RNGTT: variants seen among roughly 807,000 people sequenced by gnomAD.
RNGTT encodes the protein mRNA-capping enzyme.
A neutral mutation model predicts 79.3 loss-of-function variants in RNGTT; 33 were observed. The ratio of observed to expected loss-of-function variants is 0.42; its 90% CI spans 0.32 to 0.56. RNGTT has a LOEUF of 0.56. Among genes scored for constraint, RNGTT ranks in the 20% least tolerant of loss-of-function variants. RNGTT has a pLI of 0.17. For synonymous variants in RNGTT, 222 were observed against 235.9 expected (o/e 0.94, Z 0.54); for missense variants, 497 against 739.1 (o/e 0.67, Z 3.80).
At chr6:88,627,338 C>T (rs1772671920) in intron 14 of RNGTT, among the ~76,000 whole-genome samples, 1 of 152,200 alleles carries the variant, frequency 6.6e-6, no homozygotes, top group South Asian at 2.1e-4. Context: ...ATTAAGATGT[C>T]AATGTATAGT....
At chr6:88,850,524 T>G (rs1781636157) in intron 9 of RNGTT, among the ~76,000 whole-genome samples, 1 of 152,106 alleles carries the variant, frequency 6.6e-6, no homozygotes, top group Non-Finnish European at 1.5e-5. Flanking sequence ...TTTCCTCATA[T>G]TCTTACTAGG....
chr6:88,734,573 A>G (rs1777222990), intron 13 of RNGTT, among the ~76,000 whole-genome samples: 2 of 152,158 alleles, frequency 1.3e-5, no homozygotes, highest in South Asian at 2.1e-4. Context: ...AATATTTTCT[A>G]TAAGAAACCC....
At chr6:88,646,209 A>C (rs1773551012) in intron 14 of RNGTT, among the ~76,000 whole-genome samples, 1 of 152,266 alleles carries the variant, frequency 6.6e-6, no homozygotes, top group Non-Finnish European at 1.5e-5. Context: ...ACTTCTCAAA[A>C]GAAGACATTT....
At chr6:88,859,547 C>T (rs918070040) in intron 8 of RNGTT, among the ~76,000 whole-genome samples, 1 of 152,150 alleles carries the variant, frequency 6.6e-6, no homozygotes, top group Non-Finnish European at 1.5e-5. Flanking sequence ...ACAAATGGCC[C>T]TGTAGCTTAA....
chr6:88,904,312 C>T (rs1460792345), intron 6 of RNGTT, among the ~76,000 whole-genome samples: 1 of 152,128 alleles, frequency 6.6e-6, no homozygotes. Flanking sequence ...GTGGCTAATG[C>T]CAGTAATCCC....
At chr6:88,709,366 C>G (rs1776246425) in intron 13 of RNGTT, among the ~76,000 whole-genome samples, 1 of 150,914 alleles carries the variant, frequency 6.6e-6, no homozygotes, top group Non-Finnish European at 1.5e-5. Flanking sequence ...AGCTCTCAAA[C>G]TGGACCGAGG....
At chr6:88,956,822 T>C (rs901747900) in intron 1 of RNGTT, among the ~76,000 whole-genome samples, 19 of 152,234 alleles carry the variant, frequency 1.2e-4, no homozygotes, top group African/African-American at 4.6e-4. Flanking sequence ...GTGAATCATT[T>C]GAGGTCAGGA....
At chr6:88,914,607 C>G (rs1783939332) in intron 4 of RNGTT, among the ~76,000 whole-genome samples, 1 of 152,014 alleles carries the variant, frequency 6.6e-6, no homozygotes, top group African/African-American at 2.4e-5. Context: ...TAAACTGGAC[C>G]CCTATTTATC....
At chr6:88,774,301 A>T (rs1339918997) in intron 12 of RNGTT, among the ~76,000 whole-genome samples, 2 of 148,356 alleles carry the variant, frequency 1.3e-5, no homozygotes, top group African/African-American at 5.0e-5. Context: ...ACTATAATTT[A>T]GAAAAAAAAA....
chr6:88,662,788 C>T lies in RNGTT; in HGVS notation c.1506+15565G>A, dbSNP rs115868432. On this transcript the variant is annotated intron_variant, in intron 14 of 15. Transcript: ENST00000369485. ...GCCACAGCAGTGTGCGGCAGACCCC[C>T]GTGGAGAATTAACACAGCGGTTGAA... 2.3e-3 allele frequency among the ~76,000 whole-genome samples: 353 copies of T among 152,304 alleles called. 1 individual carries two copies. Among genetic ancestry groups the T allele is most frequent in the African/African-American group, 8.3e-3 (343 of 41,562 alleles).
chr6:88,724,550 T>C (rs1340007073), intron 13 of RNGTT, among the ~76,000 whole-genome samples: 1 of 152,154 alleles, frequency 6.6e-6, no homozygotes, highest in African/African-American at 2.4e-5. Flanking sequence ...AAGAAAATTT[T>C]TCCACAGACA....
intron 12 of RNGTT, among the ~76,000 whole-genome samples, chr6:88,793,550 A>G (rs1210005453): frequency 1.3e-5 from 2 of 152,352 alleles, no homozygotes; most frequent in East Asian, 1.9e-4. Context: ...AAAAGATATA[A>G]AAGTGAAAAG....
At chr6:88,857,277 C>T (rs1284059168) in intron 8 of RNGTT, among the ~76,000 whole-genome samples, 1 of 152,106 alleles carries the variant, frequency 6.6e-6, no homozygotes, top group Non-Finnish European at 1.5e-5. Context: ...ATTCACATTC[C>T]TCCCAGTAGT....
chr6:88,753,241 A>G (rs916116252), intron 13 of RNGTT, among the ~76,000 whole-genome samples: 9 of 152,234 alleles, frequency 5.9e-5, no homozygotes, highest in African/African-American at 2.2e-4. Context: ...GGCCAGGCAC[A>G]GTGGCTCACA....
intron 4 of RNGTT, among the ~76,000 whole-genome samples, chr6:88,907,438 C>T (rs1164218076): frequency 6.6e-6 from 1 of 150,572 alleles, no homozygotes; most frequent in Non-Finnish European, 1.5e-5. Flanking sequence ...ACAGTTCCTC[C>T]TTCACATGCC....
chr6:88,669,200 A>T (rs1340069625), intron 14 of RNGTT, among the ~76,000 whole-genome samples: 1 of 152,218 alleles, frequency 6.6e-6, no homozygotes, highest in Non-Finnish European at 1.5e-5. Context: ...CCAGTGTTCC[A>T]GACCTTTTAT....
intron 13 of RNGTT, among the ~76,000 whole-genome samples, chr6:88,695,760 G>T (rs1775639652): frequency 6.6e-6 from 1 of 152,138 alleles, no homozygotes; most frequent in Non-Finnish European, 1.5e-5. Flanking sequence ...AATGTTCATT[G>T]ACAGATGAAT....
At chr6:88,748,001 C>A (rs1185829182) in intron 13 of RNGTT, among the ~76,000 whole-genome samples, 1 of 152,100 alleles carries the variant, frequency 6.6e-6, no homozygotes, top group East Asian at 1.9e-4. Context: ...TAAACTAACA[C>A]AGTAAAGAAA....
chr6:88,733,955 T>G (rs893580890), intron 13 of RNGTT, among the ~76,000 whole-genome samples: 2 of 152,084 alleles, frequency 1.3e-5, no homozygotes, highest in African/African-American at 2.4e-5. Context: ...TAAAAAGAAG[T>G]TCTTAACAGA....
Sources: allele counts gnomAD v4.1 joint callset (sites outside exome capture counted in the v4.1 genomes callset), GRCh38; gene constraint gnomAD v4.1.1; transcripts MANE v1.5; gene names NCBI Gene and HGNC (gene_info 2026-07-23, HGNC 2026-07-21).